Variants in PRKN observed in about 807,000 individuals in gnomAD.
PRKN encodes the protein E3 ubiquitin-protein ligase parkin.
In PRKN, 56 loss-of-function variants were observed where a neutral mutation model predicts 59.5. That is an observed-to-expected ratio of 0.94 (90% CI 0.76 to 1.18). PRKN has a LOEUF of 1.18. Among genes scored for constraint, PRKN ranks in the 50% most tolerant of loss-of-function variants. PRKN has a pLI of 0.00. For missense variants in PRKN, 657 were observed against 596.4 expected (o/e 1.10, Z -1.06); for synonymous variants, 250 against 222.1 (o/e 1.13, Z -1.12).
At chr6:162,231,055 C>T (rs573423663) in intron 3 of PRKN, among the ~76,000 whole-genome samples, 1 of 152,304 alleles carries the variant, frequency 6.6e-6, no homozygotes, top group South Asian at 2.1e-4. Context: ...TATCAGCTTT[C>T]TCAGAAATTA....
chr6:161,528,827 T>C (rs1031111560), intron 9 of PRKN, among the ~76,000 whole-genome samples: 18 of 152,068 alleles, frequency 1.2e-4, no homozygotes, highest in African/African-American at 4.3e-4. Flanking sequence ...TGAAGTCCAA[T>C]GAGAATCTAA....
In PRKN at chr6:161,503,751, A is replaced by T. The variant is rs149952037; in HGVS notation, c.1083+45103T>A. Among the ~76,000 whole-genome samples, 491 of 152,324 alleles carry T rather than the reference A, an allele frequency of 3.2e-3. 4 individuals are homozygous for T. The highest frequency in any genetic ancestry group is 0.011 in the African/African-American group (476 of 41,582). On this transcript the variant is annotated intron_variant, in intron 9 of 11. Coordinates refer to ENST00000366898, the MANE Select transcript of PRKN (RefSeq NM_004562.3). The surrounding 1 kb of genome is among the most constrained non-coding windows in gnomAD (Gnocchi z 5.1). ...AAAAAAGAGGTTGTAAACATCACTC[A>T]CTGCACCACAGGGTGGCCGTGACAC...
chr6:162,702,275 C>G (rs1037535400), intron 1 of PRKN, among the ~76,000 whole-genome samples: 3 of 152,076 alleles, frequency 2.0e-5, no homozygotes, highest in African/African-American at 4.8e-5. Flanking sequence ...GTTTACTTGA[C>G]GTTTTTCCTT....
chr6:162,365,142 T>A (rs541321486), intron 2 of PRKN, among the ~76,000 whole-genome samples: 44 of 152,066 alleles, frequency 2.9e-4, no homozygotes, highest in East Asian at 2.3e-3. Context: ...ATCCATAATT[T>A]AAAAAAATCA....
intron 8 of PRKN, among the ~76,000 whole-genome samples, chr6:161,559,958 C>A (rs566858333): frequency 6.6e-6 from 1 of 152,302 alleles, no homozygotes; most frequent in African/African-American, 2.4e-5. Flanking sequence ...CAAGGCACAC[C>A]TGAGCACAGG....
intron 1 of PRKN, among the ~76,000 whole-genome samples, chr6:162,684,745 A>C (rs1253378527): frequency 2.0e-5 from 3 of 152,162 alleles, no homozygotes; most frequent in Non-Finnish European, 4.4e-5. Flanking sequence ...AGTGAGGTAA[A>C]TTATTCAAAA....
intron 1 of PRKN, among the ~76,000 whole-genome samples, chr6:162,669,202 G>A (rs1007522887): frequency 1.3e-5 from 2 of 151,694 alleles, no homozygotes; most frequent in East Asian, 3.9e-4. Flanking sequence ...TTCTACTTGT[G>A]AAACTTAAAA....
intron 4 of PRKN, among the ~76,000 whole-genome samples, chr6:162,108,314 G>C (rs778215312): frequency 6.6e-6 from 1 of 152,156 alleles, no homozygotes; most frequent in Non-Finnish European, 1.5e-5. Context: ...TGGGAGGACT[G>C]CTTCTTTCTG....
intron 4 of PRKN, among the ~76,000 whole-genome samples, chr6:162,131,808 T>A (rs571441840): frequency 1.3e-5 from 2 of 152,318 alleles, no homozygotes; most frequent in African/African-American, 2.4e-5. Flanking sequence ...AAAGAGAACA[T>A]TTAAAAATGT....
At chr6:162,350,021 T>C (rs1784559940) in intron 2 of PRKN, among the ~76,000 whole-genome samples, 1 of 152,166 alleles carries the variant, frequency 6.6e-6, no homozygotes, top group South Asian at 2.1e-4. Flanking sequence ...ATAAGCTCAA[T>C]ATACAAAATT....
At chr6:162,269,296 C>T (rs956698933) in intron 2 of PRKN, among the ~76,000 whole-genome samples, 1 of 152,150 alleles carries the variant, frequency 6.6e-6, no homozygotes, top group African/African-American at 2.4e-5. Context: ...CTGTAGGGAC[C>T]TGTTCATAAA....
chr6:162,035,057 T>G lies in PRKN; in HGVS notation c.618+19034A>C, dbSNP rs541417621. On this transcript the variant is annotated intron_variant, in intron 5 of 11. Transcript: ENST00000366898. ...GCTTCTCTTAAGAGCCTCAGGAAGC[T>G]TCCACTCATGATGGAAGGTGAAGGG... 5.3e-5 allele frequency among the ~76,000 whole-genome samples: 8 copies of G among 152,196 alleles called. No individual in the cohort carries two copies. The South Asian group carries it at 1.7e-3, about 32-fold the overall frequency.
At chr6:161,949,745 C>T (rs1779917336) in intron 6 of PRKN, among the ~76,000 whole-genome samples, 1 of 152,198 alleles carries the variant, frequency 6.6e-6, no homozygotes, top group Admixed American at 6.5e-5. Flanking sequence ...TAACCACCTC[C>T]TCTGCATGGT....
intron 1 of PRKN, among the ~76,000 whole-genome samples, chr6:162,656,756 A>G (rs1778658710): frequency 6.6e-6 from 1 of 152,198 alleles, no homozygotes; most frequent in African/African-American, 2.4e-5. Flanking sequence ...GATCTTGAAC[A>G]CAGACCTTTA....
chr6:161,859,049 T>C (rs1793779203), intron 6 of PRKN, among the ~76,000 whole-genome samples: 1 of 151,278 alleles, frequency 6.6e-6, no homozygotes, highest in Non-Finnish European at 1.5e-5. Flanking sequence ...TTTGTATTTT[T>C]ATTAGAGATG....
At position 162,222,426 on chromosome 6, in the gene PRKN, G is replaced by A. The variant is rs79972824; in HGVS notation, c.413-21174C>T. On this transcript the variant is annotated intron_variant, in intron 3 of 11. Coordinates refer to ENST00000366898, the MANE Select transcript of PRKN (RefSeq NM_004562.3). Reference sequence around the variant, plus strand: ...TAGAGCTTCCGACCGCTTTGAAGATGTGAACTATCATGCTGAGAGTCCCAC... The same window carrying A: ...TAGAGCTTCCGACCGCTTTGAAGATATGAACTATCATGCTGAGAGTCCCAC... Among the ~76,000 whole-genome samples the A allele has an allele frequency of 2.7e-3, 409 of 152,294 alleles. 4 individuals carry two copies. Among genetic ancestry groups the A allele is most frequent in the African/African-American group, 9.6e-3 (398 of 41,574 alleles).
At chr6:162,558,995 C>T (rs912057999) in intron 1 of PRKN, among the ~76,000 whole-genome samples, 1 of 151,846 alleles carries the variant, frequency 6.6e-6, no homozygotes, top group Non-Finnish European at 1.5e-5. Flanking sequence ...CTAAAAAATA[C>T]AAAAAATTAG....
chr6:162,433,337 T>C (rs1381343612), intron 2 of PRKN, among the ~76,000 whole-genome samples: 2 of 152,182 alleles, frequency 1.3e-5, no homozygotes, highest in African/African-American at 4.8e-5. Flanking sequence ...AGTCTGACTT[T>C]AGAGTGATTC....
chr6:161,484,009 C>T lies in PRKN; in HGVS notation c.1083+64845G>A, dbSNP rs1791535520. 6.6e-6 allele frequency among the ~76,000 whole-genome samples: 1 copy of T among 152,034 alleles called. No homozygotes were observed. Among genetic ancestry groups the T allele is most frequent in the African/African-American group, 2.4e-5 (1 of 41,388 alleles). ...CATGGACACATGGGGGAACAACACA[C>T]ACTGGGGCCTGCTGGGGGGTTGTGG... On this transcript the variant is annotated intron_variant, in intron 9 of 11. Coordinates refer to ENST00000366898, the MANE Select transcript of PRKN (RefSeq NM_004562.3). This position sits in a 1 kb window ranked among gnomAD's most constrained non-coding sequence, Gnocchi z 4.9.
Sources: gnomAD v4.1 joint callset for allele counts (sites outside exome capture counted in the v4.1 genomes callset) on GRCh38, gnomAD v4.1.1 for gene constraint, Gnocchi (gnomAD v3.1) non-coding constraint, MANE v1.5 for transcripts, NCBI Gene and HGNC (gene_info 2026-07-23, HGNC 2026-07-21) for gene names.